The following YJU2B variants were observed in gnomAD, a reference collection of about 807,000 sequenced individuals.
The protein encoded by YJU2B is YJU2 splicing factor homolog B.
In YJU2B, 18 loss-of-function variants were observed where a neutral mutation model predicts 38.0. The ratio of observed to expected loss-of-function variants is 0.47; its 90% CI spans 0.33 to 0.70. YJU2B has a LOEUF of 0.70. YJU2B is among the 30% of genes least tolerant of loss of function. The pLI, the probability that YJU2B is intolerant of heterozygous loss-of-function variation, is 0.02. For missense variants in YJU2B, 538 were observed against 556.3 expected (o/e 0.97, Z 0.33); for synonymous variants, 246 against 225.4 (o/e 1.09, Z -0.82).
intron 1 of YJU2B, among the ~76,000 whole-genome samples, chr19:13,749,283 C>T (rs998471691): frequency 2.0e-5 from 3 of 152,206 alleles, no homozygotes; most frequent in African/African-American, 4.8e-5. Flanking sequence ...GGATTACAGG[C>T]GTGAGCCACC....
Position 13,762,792 on chromosome 19 carries a change from G to A in YJU2B, c.915G>A (p.Glu305=). The A allele has an allele frequency of 6.2e-7, 1 of 1,603,588 alleles. No homozygotes were observed. The highest frequency in any genetic ancestry group is 8.5e-7 in the Non-Finnish European group (1 of 1,176,172). ...GGCGGAGGTCTCGGGACGTCCCGGA[G>A]AGCCCCCAGCATGCGGCCGACACCC... The part of the protein sequence containing the change: ...IVRRRSRDVP[E]SPQHAADTPK... The change falls in exon 10 of 10, where the codon GAG becomes GAA. Residue 305 remains glutamate, a synonymous_variant. Coordinates refer to ENST00000221554, the MANE Select transcript of YJU2B (RefSeq NM_030818.4).
chr19:13,740,373 G>A (rs1973060998), intron 2 of YJU2B, among the ~76,000 whole-genome samples: 1 of 151,938 alleles, frequency 6.6e-6, no homozygotes, highest in African/African-American at 2.4e-5. Context: ...CACTATGCCT[G>A]GCTAATTTTT....
chr19:13,751,663 A>G lies in YJU2B; in HGVS notation c.-146A>G. ...TGGCGGGAGTCTTGTCTGAGCTGGC[A>G]CCACCACACGGCCCACGACATCTTC... On this transcript the variant is annotated 5_prime_UTR_variant, in exon 2 of 10. Coordinates refer to ENST00000221554, the MANE Select transcript of YJU2B (RefSeq NM_030818.4). 2.5e-6 allele frequency: 2 copies of G among 792,800 alleles called. No individual in the cohort carries two copies. The highest frequency in any genetic ancestry group is 5.1e-5 in the East Asian group (2 of 38,870). 49.1% of individuals were successfully genotyped at this position (792,800 alleles called of 1,614,324 possible).
At chr19:13,746,846 G>A (rs892702681), upstream of YJU2B, among the ~76,000 whole-genome samples, 3 of 151,984 alleles carry the variant, frequency 2.0e-5, no homozygotes, top group South Asian at 4.1e-4. Context: ...GGTGGAGAGC[G>A]CAGTGAGCTG....
intron 2 of YJU2B, among the ~76,000 whole-genome samples, chr19:13,738,912 A>C (rs1347105169): frequency 6.6e-6 from 1 of 150,900 alleles, no homozygotes; most frequent in East Asian, 2.0e-4. Flanking sequence ...AAAAAAAAAA[A>C]AATTAGCTGT....
At chr19:13,741,782 T>C (rs1202811501) in intron 2 of YJU2B, among the ~76,000 whole-genome samples, 1 of 152,060 alleles carries the variant, frequency 6.6e-6, no homozygotes, top group Admixed American at 6.6e-5. Context: ...GAGGGCCTTA[T>C]AAGCTGCCTC....
intron 1 of YJU2B, among the ~76,000 whole-genome samples, chr19:13,750,137 C>T (rs560284124): frequency 2.6e-5 from 4 of 152,234 alleles, no homozygotes; most frequent in East Asian, 1.9e-4. Flanking sequence ...TGTGACCTGC[C>T]GGGGGAGACA....
At chr19:13,737,715 G>A (rs1301657786) in intron 2 of YJU2B, among the ~76,000 whole-genome samples, 13 of 151,272 alleles carry the variant, frequency 8.6e-5, no homozygotes, top group Non-Finnish European at 1.3e-4. Context: ...AACCTGGGAG[G>A]TGGAGGTTGC....
At chr19:13,759,858 C>T (rs1973823137) in intron 8 of YJU2B, among the ~76,000 whole-genome samples, 1 of 147,662 alleles carries the variant, frequency 6.8e-6, no homozygotes, top group Admixed American at 6.9e-5. Context: ...AGTGCAATGG[C>T]ATGATCTTGG....
Position 13,759,185 on chromosome 19 carries a change from G to A in YJU2B, c.486G>A (p.Ala162=), listed in dbSNP as rs764452580. The change falls in exon 8 of 10, where the codon GCG becomes GCA. Residue 162 remains alanine, a synonymous_variant. Transcript: ENST00000221554. Reference sequence around the variant, plus strand: ...CCGACCGCAGCACACTCAAGAAGGCGCTGCCCACACTGAGCCACATCCAGG... The same window carrying A: ...CCGACCGCAGCACACTCAAGAAGGCACTGCCCACACTGAGCCACATCCAGG... ...GEADRSTLKK[A]LPTLSHIQEA... is the part of the protein sequence containing the mutation. 20 of 1,613,320 alleles carry A rather than the reference G, an allele frequency of 1.2e-5. No individual in the cohort carries two copies. In the East Asian group the frequency reaches 2.2e-4, roughly 18 times the overall value.
intron 4 of YJU2B, 40 bp from the exon 5 acceptor site, chr19:13,757,370 GAGTGTCCA>G (rs1339752511): frequency 6.5e-7 from 1 of 1,531,922 alleles, no homozygotes; most frequent in South Asian, 1.1e-5. Context: ...GAGACCCAGG[GAGTGTCCA>G]AGTGGACAAG....
At chr19:13,738,883 ACT>A (rs1266462100) in intron 2 of YJU2B, among the ~76,000 whole-genome samples, 2 of 129,742 alleles carry the variant, frequency 1.5e-5, no homozygotes, top group Non-Finnish European at 3.2e-5. Flanking sequence ...ACAGAGCAAG[ACT>A]CTGTCTCAAA....
At chr19:13,750,870 A>C (rs1392001277) in intron 1 of YJU2B, among the ~76,000 whole-genome samples, 3 of 151,212 alleles carry the variant, frequency 2.0e-5, no homozygotes, top group African/African-American at 2.4e-5. Context: ...AAAAAAAAAA[A>C]AAAAAAAAAA....
upstream of YJU2B, among the ~76,000 whole-genome samples, chr19:13,746,249 C>CA (rs36114411): frequency 0.023 from 3,280 of 140,996 alleles, 49 homozygotes; most frequent in Non-Finnish European, 0.035. Flanking sequence ...GACTCCGACT[C>CA]AAAAAAAAAA....
At chr19:13,749,284 G>A (rs566696410) in intron 1 of YJU2B, among the ~76,000 whole-genome samples, 26 of 152,310 alleles carry the variant, frequency 1.7e-4, no homozygotes, top group Admixed American at 1.4e-3. Flanking sequence ...GATTACAGGC[G>A]TGAGCCACCG....
At position 13,763,173 on chromosome 19, in the gene YJU2B, C is replaced by A; in HGVS notation, c.*105C>A. On this transcript the variant is annotated 3_prime_UTR_variant, in exon 10 of 10. Coordinates refer to ENST00000221554, the MANE Select transcript of YJU2B (RefSeq NM_030818.4). ...GGCTCGCCCACCAGCCCTGGGAGAGCTCAGATGCCGCATCCTCCCCAGACC... is the reference window on the plus strand; with the variant it reads ...GGCTCGCCCACCAGCCCTGGGAGAGATCAGATGCCGCATCCTCCCCAGACC... 1.1e-6 allele frequency: 1 copy of A among 919,420 alleles called. No homozygotes were observed. The highest frequency in any genetic ancestry group is 2.6e-5 in the East Asian group (1 of 38,714). The allele number at this position is 919,420 out of a possible 1,614,324, so 57.0% of individuals were successfully genotyped here.
At chr19:13,753,326 C>T (rs1457261365) in intron 2 of YJU2B, among the ~76,000 whole-genome samples, 1 of 152,142 alleles carries the variant, frequency 6.6e-6, no homozygotes. Flanking sequence ...GTAATCCCAG[C>T]ACTTTGGGAG....
chr19:13,749,331 A>G (rs441994), intron 1 of YJU2B, among the ~76,000 whole-genome samples: 93,455 of 152,106 alleles, frequency 0.61, 29,037 homozygotes, highest in Middle Eastern at 0.72. Flanking sequence ...ATTTTCTAGT[A>G]GTTGGGGAAA....
rs768807068 is a variant in YJU2B, at chr19:13,762,282, C to T, written c.574-17C>T. 6.6e-5 allele frequency: 106 copies of T among 1,612,160 alleles called. No individual in the cohort carries two copies. Among genetic ancestry groups the T allele is most frequent in the Non-Finnish European group, 8.9e-5 (105 of 1,179,596 alleles). Reference sequence around the variant, plus strand: ...TTTGACACCCCCTATCTCTGGTGTTCTTGGCCCTCAACACAGGAAAAGAAA... The same window carrying T: ...TTTGACACCCCCTATCTCTGGTGTTTTTGGCCCTCAACACAGGAAAAGAAA... On this transcript the variant is annotated splice_polypyrimidine_tract_variant and intron_variant, in intron 8 of 9. Coordinates refer to ENST00000221554, the MANE Select transcript of YJU2B (RefSeq NM_030818.4).
Sources: gnomAD v4.1 joint callset for allele counts (sites outside exome capture counted in the v4.1 genomes callset) on GRCh38, gnomAD v4.1.1 for gene constraint, MANE v1.5 for transcripts, NCBI Gene and HGNC (gene_info 2026-07-23, HGNC 2026-07-21) for gene names.